The following NEGR1 variants were observed in gnomAD, a reference collection of about 807,000 sequenced individuals.
The protein encoded by NEGR1 is IgLON family member 4.
NEGR1 carries 10 observed loss-of-function variants against 40.9 expected under a neutral mutation model. The ratio of observed to expected loss-of-function variants is 0.24; its 90% confidence interval spans 0.15 to 0.42. The LOEUF (loss-of-function observed/expected upper bound fraction) is 0.42, where lower values mean the gene tolerates loss of function less well. Among genes scored for constraint, NEGR1 ranks in the 10% least tolerant of loss-of-function variants. The pLI, the probability that NEGR1 is intolerant of heterozygous loss-of-function variation, is 1.00. For missense variants in NEGR1, 352 were observed against 438.9 expected (o/e 0.80, Z 1.77); for synonymous variants, 185 against 166.8 (o/e 1.11, Z -0.84).
At chr1:72,176,277 G>T (rs952164159) in intron 1 of NEGR1, among the ~76,000 whole-genome samples, 1 of 151,926 alleles carries the variant, frequency 6.6e-6, no homozygotes, top group Admixed American at 6.6e-5. Context: ...ATAACTTTTT[G>T]TAAGAGTTTT....
chr1:71,606,902 G>A (rs1302463116), intron 5 of NEGR1, among the ~76,000 whole-genome samples: 1 of 152,126 alleles, frequency 6.6e-6, no homozygotes, highest in Non-Finnish European at 1.5e-5. Context: ...CAGAGATAGG[G>A]CTATGGGTGT....
chr1:71,505,714 A>G (rs1473198837), intron 6 of NEGR1, among the ~76,000 whole-genome samples: 2 of 152,188 alleles, frequency 1.3e-5, no homozygotes, highest in Non-Finnish European at 2.9e-5. Flanking sequence ...GAAAAATCCT[A>G]TAACTGGGAG....
At chr1:71,966,161 GT>G (rs1198008632) in intron 1 of NEGR1, among the ~76,000 whole-genome samples, 5 of 152,198 alleles carry the variant, frequency 3.3e-5, no homozygotes, top group African/African-American at 1.2e-4. Context: ...AAACCTCTGG[GT>G]TTTTTAGTTT....
chr1:71,626,382 C>T (rs1165309315), intron 4 of NEGR1, among the ~76,000 whole-genome samples: 2 of 127,290 alleles, frequency 1.6e-5, no homozygotes, highest in African/African-American at 5.8e-5. Flanking sequence ...CCACAACAGG[C>T]CCCGGTGTGT....
intron 1 of NEGR1, among the ~76,000 whole-genome samples, chr1:71,999,046 T>G (rs562656863): frequency 6.6e-6 from 1 of 152,070 alleles, no homozygotes; most frequent in South Asian, 2.1e-4. Flanking sequence ...ATGAATTGGC[T>G]TCTACTCCAT....
In NEGR1 at chr1:71,836,214, G is replaced by A. The variant is rs144815371; in HGVS notation, c.410-59917C>T. Reference sequence around the variant, plus strand: ...TTAGGCACATGAGAGGCATTTGGGAGGCTGAGGAGGGTGGATCACCTGAGG... The same window carrying A: ...TTAGGCACATGAGAGGCATTTGGGAAGCTGAGGAGGGTGGATCACCTGAGG... On this transcript the variant is annotated intron_variant, in intron 2 of 6. Transcript: ENST00000357731. Among the ~76,000 whole-genome samples, 355 of 152,056 alleles carry A rather than the reference G, an allele frequency of 2.3e-3. 1 individual carries two copies. The highest frequency in any genetic ancestry group is 8.0e-3 in the African/African-American group (330 of 41,494).
chr1:71,942,452 A>AATATATAT lies in NEGR1; in HGVS notation c.177-7142_177-7141insATATATAT, dbSNP rs1409165579. On this transcript the variant is annotated intron_variant, in intron 1 of 6. Transcript: ENST00000357731. The stretch of plus-strand genomic sequence containing the variant: ...TTAATGCACAACTTAAAATTCTTTA[A>AATATATAT]ATCTATATATATATATATATATATA... Among the ~76,000 whole-genome samples, 71 of 34,252 alleles carry AATATATAT rather than the reference A, an allele frequency of 2.1e-3. 1 individual carries two copies. The highest frequency in any genetic ancestry group is 3.5e-3 in the Non-Finnish European group (62 of 17,686). The allele number at this position is 34,252 out of a possible 152,430, so 22.5% of individuals were successfully genotyped here.
At chr1:71,720,042 A>G (rs892371022) in intron 3 of NEGR1, among the ~76,000 whole-genome samples, 9 of 152,212 alleles carry the variant, frequency 5.9e-5, no homozygotes, top group African/African-American at 2.2e-4. Flanking sequence ...ATGGAATACA[A>G]TCTTATTTTC....
At chr1:71,582,710 C>T (rs1207292389) in intron 6 of NEGR1, among the ~76,000 whole-genome samples, 1 of 152,120 alleles carries the variant, frequency 6.6e-6, no homozygotes, top group African/African-American at 2.4e-5. Context: ...AAAAGTAATC[C>T]TGCTTTTCCC....
intron 1 of NEGR1, among the ~76,000 whole-genome samples, chr1:72,187,592 A>G (rs1343193437): frequency 6.6e-6 from 1 of 151,434 alleles, no homozygotes; most frequent in African/African-American, 2.4e-5. Flanking sequence ...GACCAAAACA[A>G]ACAAACAAAC....
intron 6 of NEGR1, among the ~76,000 whole-genome samples, chr1:71,420,252 A>G (rs966346307): frequency 2.6e-5 from 4 of 152,098 alleles, no homozygotes; most frequent in African/African-American, 7.2e-5. Context: ...CTTTAGCAGT[A>G]CTTTCAATTA....
chr1:72,172,382 C>T (rs1322480020), intron 1 of NEGR1, among the ~76,000 whole-genome samples: 1 of 151,968 alleles, frequency 6.6e-6, no homozygotes, highest in Non-Finnish European at 1.5e-5. Context: ...AACATGCAAC[C>T]TTAAAAGACA....
intron 1 of NEGR1, among the ~76,000 whole-genome samples, chr1:71,985,805 T>G (rs879576205): frequency 3.9e-5 from 6 of 152,176 alleles, no homozygotes; most frequent in Non-Finnish European, 8.8e-5. Flanking sequence ...ATCTAGAAAA[T>G]TAGGATATTT....
At position 72,264,712 on chromosome 1, in the gene NEGR1, T is replaced by A. The variant is rs538276311; in HGVS notation, c.176+17607A>T. Reference sequence around the variant, plus strand: ...AATATTTTATGATATTTAAATGAATTACTTTTAATGACAGAAAATACAGCC... The same window carrying A: ...AATATTTTATGATATTTAAATGAATAACTTTTAATGACAGAAAATACAGCC... On this transcript the variant is annotated intron_variant, in intron 1 of 6. Coordinates refer to ENST00000357731, the MANE Select transcript of NEGR1 (RefSeq NM_173808.3). Among the ~76,000 whole-genome samples, 17 of 150,914 alleles carry A rather than the reference T, an allele frequency of 1.1e-4. No homozygotes were observed. In the East Asian group the frequency reaches 3.1e-3, roughly 28 times the overall value.
chr1:71,441,182 A>G (rs1646544465), intron 6 of NEGR1, among the ~76,000 whole-genome samples: 1 of 152,246 alleles, frequency 6.6e-6, no homozygotes, highest in Admixed American at 6.5e-5. Flanking sequence ...AATCACATAA[A>G]CAATGTGTGA....
intron 2 of NEGR1, among the ~76,000 whole-genome samples, chr1:71,890,990 G>A (rs1660848484): frequency 2.2e-4 from 1 of 4,576 alleles, no homozygotes; most frequent in African/African-American, 8.6e-4. Flanking sequence ...ACGAAATGAA[G>A]GCAGAAATAA....
At chr1:72,089,140 A>T (rs1173585205) in intron 1 of NEGR1, among the ~76,000 whole-genome samples, 5 of 152,124 alleles carry the variant, frequency 3.3e-5, no homozygotes, top group African/African-American at 1.2e-4. Context: ...CTCTTAGAGG[A>T]TGCTGATCAT....
At position 71,407,279 on chromosome 1, in the gene NEGR1, G is replaced by T. The variant is rs1646284317; in HGVS notation, c.*167C>A. 1 of 551,516 alleles carries T rather than the reference G, an allele frequency of 1.8e-6. No homozygotes were observed. Among genetic ancestry groups the T allele is most frequent in the Non-Finnish European group, 3.2e-6 (1 of 308,146 alleles). The allele number at this position is 551,516 out of a possible 1,614,324, so 34.2% of individuals were successfully genotyped here. On this transcript the variant is annotated 3_prime_UTR_variant, in exon 7 of 7. Transcript: ENST00000357731. ...CAAGGTAATGTAGCTAATCAAAAAA[G>T]AGTAGAATTAAAGTATTTACATAAT...
chr1:72,237,670 C>T (rs1654601353), intron 1 of NEGR1, among the ~76,000 whole-genome samples: 2 of 151,996 alleles, frequency 1.3e-5, no homozygotes, highest in South Asian at 4.1e-4. Flanking sequence ...GCATCTGTAA[C>T]TCAGTTTCCA....
Sources: gnomAD v4.1 joint callset for allele counts (sites outside exome capture counted in the v4.1 genomes callset) on GRCh38, gnomAD v4.1.1 for gene constraint, MANE v1.5 for transcripts, NCBI Gene and HGNC (gene_info 2026-07-23, HGNC 2026-07-21) for gene names.